Variants in SLC9A9 observed in about 807,000 individuals in gnomAD.
SLC9A9 encodes sodium/hydrogen exchanger 9.
A neutral mutation model predicts 77.8 loss-of-function variants in SLC9A9; 62 were observed. The ratio of observed to expected loss-of-function variants is 0.80; its 90% CI spans 0.65 to 0.98. SLC9A9 has a LOEUF of 0.98. SLC9A9 is among the 50% of genes least tolerant of loss of function. The pLI, the probability that SLC9A9 is intolerant of heterozygous loss-of-function variation, is 0.00. For missense variants in SLC9A9, 775 were observed against 774.9 expected (o/e 1.00, Z 0.00); for synonymous variants, 320 against 283.5 (o/e 1.13, Z -1.29).
intron 3 of SLC9A9, 84 bp from the exon 4 acceptor site, chr3:143,795,161 C>T (rs1183957167): frequency 1.6e-6 from 2 of 1,286,514 alleles, no homozygotes; most frequent in Non-Finnish European, 2.2e-6. Context: ...GTATGCAGTT[C>T]ACAGACCCCT....
At chr3:143,741,730 T>A (rs960121985) in intron 4 of SLC9A9, among the ~76,000 whole-genome samples, 2 of 152,154 alleles carry the variant, frequency 1.3e-5, no homozygotes, top group Non-Finnish European at 2.9e-5. Context: ...TATGATGTGA[T>A]GAAAATGGCA....
intron 11 of SLC9A9, 34 bp from the exon 12 acceptor site, chr3:143,467,224 C>CTTGCAGGTGTCT (rs1252172979): frequency 1.2e-6 from 2 of 1,613,682 alleles, no homozygotes; most frequent in Non-Finnish European, 1.7e-6. Context: ...AAATAAATGC[C>CTTGCAGGTGTCT]TTGCAGGTGT....
chr3:143,526,194 T>C (rs766015716), intron 9 of SLC9A9, among the ~76,000 whole-genome samples: 2 of 152,168 alleles, frequency 1.3e-5, no homozygotes, highest in Non-Finnish European at 2.9e-5. Context: ...TCACATCTTC[T>C]TGTTTGGGGA....
intron 12 of SLC9A9, among the ~76,000 whole-genome samples, chr3:143,423,230 C>G (rs554914387): frequency 7.1e-6 from 1 of 141,508 alleles, no homozygotes; most frequent in East Asian, 2.1e-4. Context: ...CACACACACA[C>G]GTGTACACAC....
At position 143,811,654 on chromosome 3, in the gene SLC9A9, C is replaced by T. The variant is rs1421389093; in HGVS notation, c.379-14751G>A. The T allele has an allele frequency of 8.8e-6, 4 of 453,512 alleles. 1 individual carries two copies. The highest frequency in any genetic ancestry group is 3.1e-5 in the South Asian group (2 of 64,432). The allele number at this position is 453,512 out of a possible 1,614,324, so 28.1% of individuals were successfully genotyped here. A position where few individuals can be genotyped will look rare whatever the true frequency, so the allele number is the denominator to read the frequency against. On this transcript the variant is annotated intron_variant, in intron 2 of 15. Coordinates refer to ENST00000316549, the MANE Select transcript of SLC9A9 (RefSeq NM_173653.4). ...TGAGGCCAGGAGTTTGAGACCAGCC[C>T]AGCCAACATGGCAAAAAATGGTCTC...
intron 6 of SLC9A9, among the ~76,000 whole-genome samples, chr3:143,596,261 T>A (rs948522437): frequency 6.6e-6 from 1 of 152,180 alleles, no homozygotes; most frequent in Non-Finnish European, 1.5e-5. Flanking sequence ...ATAAAGCAGA[T>A]AATATAAATC....
intron 6 of SLC9A9, among the ~76,000 whole-genome samples, chr3:143,582,503 G>A (rs922022887): frequency 1.3e-5 from 2 of 152,176 alleles, no homozygotes; most frequent in Admixed American, 1.3e-4. Flanking sequence ...AGTTACCACT[G>A]TGGGCAAATG....
At chr3:143,350,924 C>A (rs1317377914) in intron 14 of SLC9A9, among the ~76,000 whole-genome samples, 2 of 152,182 alleles carry the variant, frequency 1.3e-5, no homozygotes, top group Non-Finnish European at 2.9e-5. Context: ...CAGCTCGAAT[C>A]TACCAACAAC....
intron 6 of SLC9A9, among the ~76,000 whole-genome samples, chr3:143,583,685 G>A (rs1257382517): frequency 6.6e-6 from 1 of 152,194 alleles, no homozygotes; most frequent in African/African-American, 2.4e-5. Flanking sequence ...ATGGATTAAT[G>A]TTTATAAAGC....
chr3:143,588,023 G>A (rs13074668), intron 6 of SLC9A9, among the ~76,000 whole-genome samples: 14,730 of 152,178 alleles, frequency 0.097, 864 homozygotes, highest in East Asian at 0.16. Context: ...CAAAAGTAAC[G>A]TATCATAGGA....
chr3:143,295,968 CT>C (rs2030247025), intron 14 of SLC9A9, among the ~76,000 whole-genome samples: 1 of 152,118 alleles, frequency 6.6e-6, no homozygotes, highest in Admixed American at 6.6e-5. Context: ...TTCCTGCTTC[CT>C]TTTCTTATCA....
intron 12 of SLC9A9, among the ~76,000 whole-genome samples, chr3:143,437,464 A>G (rs556249746): frequency 5.3e-5 from 8 of 152,226 alleles, no homozygotes; most frequent in Non-Finnish European, 8.8e-5. Flanking sequence ...TGTCATACCC[A>G]GGTCCCTCAG....
At chr3:143,647,764 T>G (rs183435880) in intron 6 of SLC9A9, among the ~76,000 whole-genome samples, 145 of 152,346 alleles carry the variant, frequency 9.5e-4, no homozygotes, top group African/African-American at 3.3e-3. Flanking sequence ...TTTTTTCTGC[T>G]TAACTTCCAC....
intron 2 of SLC9A9, among the ~76,000 whole-genome samples, chr3:143,831,739 G>GT (rs570854706): frequency 1.3e-5 from 2 of 152,182 alleles, no homozygotes; most frequent in Admixed American, 6.5e-5. Context: ...GTTGATAAAT[G>GT]TTTTTTTCTT....
chr3:143,695,584 T>C (rs1002424434), intron 4 of SLC9A9, among the ~76,000 whole-genome samples: 6 of 152,194 alleles, frequency 3.9e-5, no homozygotes, highest in East Asian at 3.9e-4. Flanking sequence ...CAGTCTATCA[T>C]TGGTGGGCAT....
At chr3:143,749,640 G>C (rs2006649008) in intron 4 of SLC9A9, among the ~76,000 whole-genome samples, 1 of 152,198 alleles carries the variant, frequency 6.6e-6, no homozygotes, top group African/African-American at 2.4e-5. Context: ...TGCGGAGAAT[G>C]GTTACTTGGG....
chr3:143,469,475 A>G (rs1418036292), intron 11 of SLC9A9, among the ~76,000 whole-genome samples: 1 of 152,252 alleles, frequency 6.6e-6, no homozygotes, highest in Non-Finnish European at 1.5e-5. Context: ...CACTTTTTAT[A>G]ATATTTATTA....
At chr3:143,550,742 G>T (rs1317597247) in intron 9 of SLC9A9, among the ~76,000 whole-genome samples, 1 of 152,178 alleles carries the variant, frequency 6.6e-6, no homozygotes, top group Non-Finnish European at 1.5e-5. Flanking sequence ...AATGATTATT[G>T]TTGGATGACA....
At chr3:143,281,979 T>A (rs1329072960) in intron 14 of SLC9A9, among the ~76,000 whole-genome samples, 1 of 152,196 alleles carries the variant, frequency 6.6e-6, no homozygotes, top group Non-Finnish European at 1.5e-5. Flanking sequence ...TATGTTTCAC[T>A]ATCTCTCTGG....
Sources: allele counts gnomAD v4.1 joint callset (sites outside exome capture counted in the v4.1 genomes callset), GRCh38; gene constraint gnomAD v4.1.1; transcripts MANE v1.5; gene names NCBI Gene and HGNC (gene_info 2026-07-23, HGNC 2026-07-21).